The following ZFR variants were observed in gnomAD, a reference collection of about 807,000 sequenced individuals.
ZFR encodes the protein zinc finger RNA binding protein.
In ZFR, 19 loss-of-function variants were observed where a neutral mutation model predicts 130.7. The observed-to-expected ratio is 0.15, with a 90% CI of 0.10 to 0.21. The LOEUF (loss-of-function observed/expected upper bound fraction) is 0.21. Ranked by LOEUF, ZFR falls within the 10% of genes least tolerant of loss-of-function variation. The probability of loss-of-function intolerance (pLI) is 1.00; values close to 1 mark genes in which losing one functional copy is unlikely to be tolerated. For synonymous variants in ZFR, 466 were observed against 456.9 expected (o/e 1.02, Z -0.25); for missense variants, 872 against 1,321.5 (o/e 0.66, Z 5.27).
intron 19 of ZFR, among the ~76,000 whole-genome samples, chr5:32,360,191 A>G (rs1752401841): frequency 1.3e-5 from 2 of 152,196 alleles, no homozygotes; most frequent in South Asian, 4.1e-4. Flanking sequence ...CTTTCTCTAC[A>G]TAGTTATAGC....
At chr5:32,443,702 G>A (rs1047671767) in intron 2 of ZFR, among the ~76,000 whole-genome samples, 1 of 152,272 alleles carries the variant, frequency 6.6e-6, no homozygotes, top group Non-Finnish European at 1.5e-5. Flanking sequence ...AAAGGTACCC[G>A]AGACAACGAC....
intron 2 of ZFR, among the ~76,000 whole-genome samples, chr5:32,432,499 A>T (rs572412569): frequency 1.3e-5 from 2 of 151,856 alleles, no homozygotes; most frequent in Non-Finnish European, 2.9e-5. Context: ...TTTAAATTGG[A>T]TTATTTGACT....
chr5:32,360,969 T>C (rs983365461), intron 19 of ZFR, among the ~76,000 whole-genome samples: 2 of 152,188 alleles, frequency 1.3e-5, no homozygotes, highest in Non-Finnish European at 2.9e-5. Flanking sequence ...CACGCCACCA[T>C]GCCCAGAGCT....
chr5:32,364,787 G>C (rs1436873822), intron 17 of ZFR: 1 of 152,140 alleles, frequency 6.6e-6, no homozygotes, highest in African/African-American at 2.4e-5. Flanking sequence ...CCAATGCAGG[G>C]AGTGGTGTTT....
chr5:32,439,931 C>T (rs755716352), intron 2 of ZFR, among the ~76,000 whole-genome samples: 9 of 151,562 alleles, frequency 5.9e-5, no homozygotes, highest in African/African-American at 9.7e-5. Flanking sequence ...CACGAATTCT[C>T]CTCAAAAACT....
At chr5:32,397,484 T>A in intron 9 of ZFR, 146 bp from the exon 10 acceptor site, 6 of 1,024,164 alleles carry the variant, frequency 5.9e-6, no homozygotes, top group Non-Finnish European at 8.2e-6. Flanking sequence ...GACAGAGTCT[T>A]GCTCTGTCGC....
At chr5:32,439,548 T>C (rs943979338) in intron 2 of ZFR, among the ~76,000 whole-genome samples, 16 of 152,238 alleles carry the variant, frequency 1.1e-4, no homozygotes, top group Non-Finnish European at 2.4e-4. Flanking sequence ...TGCCTTCTTT[T>C]GACTGGCAGA....
chr5:32,381,571 TAAG>T (rs1467932931), intron 15 of ZFR, among the ~76,000 whole-genome samples: 3 of 152,154 alleles, frequency 2.0e-5, no homozygotes, highest in Non-Finnish European at 4.4e-5. Flanking sequence ...TTAATTATCT[TAAG>T]AGTACTAGCT....
chr5:32,359,653 AG>A (rs1179436487), intron 19 of ZFR, among the ~76,000 whole-genome samples: 7 of 152,246 alleles, frequency 4.6e-5, no homozygotes, highest in Admixed American at 6.5e-5. Context: ...CACTATGATT[AG>A]GAAAGAAAAT....
chr5:32,430,809 C>T (rs1754193719), intron 2 of ZFR, among the ~76,000 whole-genome samples: 1 of 152,168 alleles, frequency 6.6e-6, no homozygotes, highest in Non-Finnish European at 1.5e-5. Context: ...ATTGTGGTGC[C>T]TCACACCTGT....
intron 13 of ZFR, among the ~76,000 whole-genome samples, chr5:32,387,963 C>T (rs867341739): frequency 2.6e-5 from 4 of 151,820 alleles, no homozygotes; most frequent in African/African-American, 9.6e-5. Context: ...TTTCACAAGT[C>T]AGAATAATAG....
intron 2 of ZFR, among the ~76,000 whole-genome samples, chr5:32,436,093 C>A (rs324430): frequency 0.95 from 142,990 of 150,042 alleles, 68,183 homozygotes; most frequent in African/African-American, 0.98. Flanking sequence ...CACAGTATTT[C>A]TTTCTTTCCC....
intron 19 of ZFR, 85 bp downstream of exon 19, chr5:32,363,863 T>TA: frequency 9.7e-6 from 11 of 1,130,608 alleles, no homozygotes; most frequent in Non-Finnish European, 1.4e-5. Flanking sequence ...ATATAGTGAC[T>TA]TATAATATTC....
At chr5:32,390,189 T>C in intron 12 of ZFR, 86 bp downstream of exon 12, 3 of 1,484,058 alleles carry the variant, frequency 2.0e-6, no homozygotes, top group Non-Finnish European at 2.7e-6. Flanking sequence ...TTATTAAGTC[T>C]AAACATTAGC....
intron 5 of ZFR, among the ~76,000 whole-genome samples, chr5:32,411,561 C>T (rs1408351629): frequency 2.6e-5 from 4 of 151,508 alleles, no homozygotes; most frequent in African/African-American, 7.3e-5. Flanking sequence ...TGGTGGTACA[C>T]GCCTGTAACC....
At chr5:32,358,283 G>A (rs2111644369) in intron 19 of ZFR, among the ~76,000 whole-genome samples, 1 of 152,292 alleles carries the variant, frequency 6.6e-6, no homozygotes, top group Middle Eastern at 3.4e-3. Flanking sequence ...CTTGAACCCG[G>A]GAGGCACAGG....
Position 32,417,562 on chromosome 5 carries a change from G to A in ZFR, c.565+86C>T, listed in dbSNP as rs1753854240. 10 of 1,536,260 alleles carry A rather than the reference G, an allele frequency of 6.5e-6. No homozygotes were observed. The East Asian group carries it at 1.8e-4, about 28-fold the overall frequency. On this transcript the variant is annotated intron_variant, in intron 4 of 19. Coordinates refer to ENST00000265069, the MANE Select transcript of ZFR (RefSeq NM_016107.5). ...AAGATGATGTGATATGAGTTTAGAT[G>A]GACTCAAAAGCTTATCTTCATTAAA...
chr5:32,361,909 C>T (rs112539571), intron 19 of ZFR, among the ~76,000 whole-genome samples: 3,960 of 152,128 alleles, frequency 0.026, 185 homozygotes, highest in African/African-American at 0.092. Context: ...CCACTGCACC[C>T]GGCCCAGCCT....
intron 2 of ZFR, among the ~76,000 whole-genome samples, chr5:32,437,865 A>T (rs887498384): frequency 2.0e-5 from 3 of 152,138 alleles, no homozygotes; most frequent in African/African-American, 7.2e-5. Context: ...ATATTTTGGT[A>T]TCTGATATTA....
Sources: allele counts gnomAD v4.1 joint callset (sites outside exome capture counted in the v4.1 genomes callset), GRCh38; gene constraint gnomAD v4.1.1; transcripts MANE v1.5; gene names NCBI Gene and HGNC (gene_info 2026-07-23, HGNC 2026-07-21).